The following KCNAB1 variants were observed in gnomAD, a reference collection of about 807,000 sequenced individuals.
KCNAB1 encodes voltage-gated potassium channel subunit beta-1.
KCNAB1 carries 35 observed loss-of-function variants against 64.6 expected under a neutral mutation model. The ratio of observed to expected loss-of-function variants is 0.54; its 90% confidence interval spans 0.41 to 0.72. The LOEUF (loss-of-function observed/expected upper bound fraction) is 0.72. Among genes scored for constraint, KCNAB1 ranks in the 30% least tolerant of loss-of-function variants. The probability of loss-of-function intolerance (pLI) is 0.00; values close to 1 mark genes in which losing one functional copy is unlikely to be tolerated. For synonymous variants in KCNAB1, 177 were observed against 183.8 expected, an observed-to-expected ratio of 0.96 and a Z score of 0.30; for missense variants, 401 against 512.9, an observed-to-expected ratio of 0.78 and a Z score of 2.11.
chr3:156,424,249 C>T (rs1715668508), intron 2 of KCNAB1, among the ~76,000 whole-genome samples: 1 of 152,072 alleles, frequency 6.6e-6, no homozygotes, highest in Non-Finnish European at 1.5e-5. Context: ...TCAGCAACTA[C>T]AACATGAGGG....
chr3:156,233,477 A>G (rs546602293), intron 1 of KCNAB1, among the ~76,000 whole-genome samples: 1 of 152,308 alleles, frequency 6.6e-6, no homozygotes, highest in South Asian at 2.1e-4. Context: ...AGAGGGCAGG[A>G]AGTAAGAAAC....
intron 1 of KCNAB1, among the ~76,000 whole-genome samples, chr3:156,275,011 A>G (rs1395086125): frequency 6.6e-6 from 1 of 152,148 alleles, no homozygotes; most frequent in East Asian, 1.9e-4. Flanking sequence ...TTTAACTAAC[A>G]TGTCAACATT....
chr3:156,176,769 G>T, intron 1 of KCNAB1: 1 of 892,142 alleles, frequency 1.1e-6, no homozygotes, highest in Non-Finnish European at 1.9e-6. Flanking sequence ...CGGAGGTCCT[G>T]CTTGCAGCAA....
intron 1 of KCNAB1, among the ~76,000 whole-genome samples, chr3:156,158,183 TAAATA>T (rs1715858716): frequency 3.1e-4 from 10 of 31,978 alleles, no homozygotes; most frequent in Admixed American, 6.6e-4. Context: ...AAATAAAAAA[TAAATA>T]AATAAATAAA....
chr3:156,159,073 C>G (rs940015013), intron 1 of KCNAB1, among the ~76,000 whole-genome samples: 3 of 150,036 alleles, frequency 2.0e-5, no homozygotes, highest in South Asian at 2.1e-4. Flanking sequence ...ATATGTCCGC[C>G]CCCCCCTGTA....
At chr3:156,483,273 A>T (rs1291637998) in intron 8 of KCNAB1, among the ~76,000 whole-genome samples, 1 of 152,154 alleles carries the variant, frequency 6.6e-6, no homozygotes, top group African/African-American at 2.4e-5. Flanking sequence ...GTAGCTCATC[A>T]TTTGGCCTGA....
intron 8 of KCNAB1, among the ~76,000 whole-genome samples, chr3:156,485,540 G>T (rs1023719217): frequency 3.6e-4 from 54 of 149,966 alleles, no homozygotes; most frequent in African/African-American, 1.2e-3. Flanking sequence ...TTGCTTTTTT[G>T]GGGGGGGCAT....
chr3:156,180,237 G>A (rs1328633410), intron 1 of KCNAB1, among the ~76,000 whole-genome samples: 12 of 152,294 alleles, frequency 7.9e-5, no homozygotes, highest in Non-Finnish European at 1.5e-4. Context: ...TACAGATAAG[G>A]AAGCAGACTT....
intron 1 of KCNAB1, among the ~76,000 whole-genome samples, chr3:156,244,712 A>G (rs1271109088): frequency 6.6e-6 from 1 of 152,122 alleles, no homozygotes. Flanking sequence ...CAATATCTCT[A>G]TGTATTTCCT....
intron 1 of KCNAB1, among the ~76,000 whole-genome samples, chr3:156,316,397 A>G (rs1388080076): frequency 6.6e-6 from 1 of 152,238 alleles, no homozygotes; most frequent in African/African-American, 2.4e-5. Context: ...CTGAGGGAAG[A>G]TCTAAGATCA....
chr3:156,514,119 T>C (rs1219848745), intron 8 of KCNAB1, among the ~76,000 whole-genome samples: 1 of 152,238 alleles, frequency 6.6e-6, no homozygotes, highest in African/African-American at 2.4e-5. Flanking sequence ...CATTATATTT[T>C]CAATATCATT....
intron 1 of KCNAB1, among the ~76,000 whole-genome samples, chr3:156,161,000 T>C (rs1716043154): frequency 6.6e-6 from 1 of 152,228 alleles, no homozygotes; most frequent in African/African-American, 2.4e-5. Context: ...ATCCTCTTAT[T>C]CTCATTCACA....
intron 1 of KCNAB1, among the ~76,000 whole-genome samples, chr3:156,272,223 G>A (rs1051223288): frequency 2.0e-5 from 3 of 152,204 alleles, no homozygotes; most frequent in Admixed American, 2.0e-4. Flanking sequence ...CCTATGTTTG[G>A]TCAAGGGCCT....
intron 1 of KCNAB1, among the ~76,000 whole-genome samples, chr3:156,223,696 A>G (rs1002846276): frequency 8.5e-5 from 13 of 152,168 alleles, no homozygotes; most frequent in African/African-American, 2.9e-4. Context: ...TGATTGGTGC[A>G]TCCACAGACC....
At chr3:156,357,765 C>T (rs1725356703) in intron 1 of KCNAB1, among the ~76,000 whole-genome samples, 1 of 149,260 alleles carries the variant, frequency 6.7e-6, no homozygotes, top group Non-Finnish European at 1.5e-5. Context: ...ATCAATATAT[C>T]ATAATGTAAA....
chr3:156,246,620 A>AT (rs1212639342), intron 1 of KCNAB1, among the ~76,000 whole-genome samples: 1 of 139,634 alleles, frequency 7.2e-6, no homozygotes, highest in Non-Finnish European at 1.5e-5. Flanking sequence ...AAAAAAGTTA[A>AT]TAAAAAAAAG....
intron 5 of KCNAB1, chr3:156,460,236 T>G (rs1712799973): frequency 5.3e-6 from 1 of 189,322 alleles, no homozygotes; most frequent in Non-Finnish European, 1.1e-5. Flanking sequence ...CATGCATTTA[T>G]GTTTGCTGTT....
In KCNAB1 at chr3:156,458,672, G is replaced by A. The variant is rs116046768; in HGVS notation, c.437+1140G>A. ...GAGAAAGTAAAGGTTATATGGTCTT[G>A]CTCCTTTCTGCCTTCTACCCCTTTC... On this transcript the variant is annotated intron_variant, in intron 4 of 13. Transcript: ENST00000490337. Among the ~76,000 whole-genome samples, 681 of 152,266 alleles carry A rather than the reference G, an allele frequency of 4.5e-3. 5 individuals carry two copies. Among genetic ancestry groups the A allele is most frequent in the African/African-American group, 0.016 (659 of 41,550 alleles).
rs112412358 is a variant in KCNAB1, at chr3:156,397,547, G to C, written c.276-24069G>C. On this transcript the variant is annotated intron_variant, in intron 1 of 13. Coordinates refer to ENST00000490337, the MANE Select transcript of KCNAB1 (RefSeq NM_172160.3). ...CCTTTCTCCTATGCTATGTGACAGT[G>C]CTCCCTGCCTCCTGGGAAACTATAA... Among the ~76,000 whole-genome samples the C allele has an allele frequency of 8.7e-3, 1,323 of 152,238 alleles. 20 individuals are homozygous for C. The highest frequency in any genetic ancestry group is 0.031 in the African/African-American group (1,270 of 41,528).
Sources: gnomAD v4.1 joint callset for allele counts (sites outside exome capture counted in the v4.1 genomes callset) on GRCh38, gnomAD v4.1.1 for gene constraint, MANE v1.5 for transcripts, NCBI Gene and HGNC (gene_info 2026-07-23, HGNC 2026-07-21) for gene names.